METTL24: variants seen among roughly 807,000 people sequenced by gnomAD.
METTL24 encodes the protein probable methyltransferase-like protein 24.
Under a neutral mutation model 32.7 loss-of-function variants are expected in METTL24, and 29 were observed. The observed-to-expected ratio is 0.89, with a 90% CI of 0.66 to 1.21. The LOEUF (loss-of-function observed/expected upper bound fraction) is 1.21. Ranked by LOEUF, METTL24 falls within the 50% of genes most tolerant of loss-of-function variation. METTL24 has a pLI of 0.00. For synonymous variants in METTL24, 163 were observed against 179.5 expected (o/e 0.91, Z 0.73); for missense variants, 439 against 468.1 (o/e 0.94, Z 0.57).
rs55927920 is a variant in METTL24, at chr6:110,245,542, T to C, written c.*404A>G. Among the ~76,000 whole-genome samples, 11,947 of 152,204 alleles carry C rather than the reference T, an allele frequency of 0.078. 505 individuals are homozygous for C. The highest frequency in any genetic ancestry group is 0.16 in the South Asian group (773 of 4,824). ...AAACCTTGAAAAAGGAGGGTCAAATTCAAATTTAAAACCCTATTTTAAACA... is the reference window on the plus strand; with the variant it reads ...AAACCTTGAAAAAGGAGGGTCAAATCCAAATTTAAAACCCTATTTTAAACA... On this transcript the variant is annotated 3_prime_UTR_variant, in exon 5 of 5. Coordinates refer to ENST00000338882, the MANE Select transcript of METTL24 (RefSeq NM_001123364.3).
intron 3 of METTL24, among the ~76,000 whole-genome samples, chr6:110,311,316 G>A (rs1368469610): frequency 6.6e-6 from 1 of 152,004 alleles, no homozygotes; most frequent in Non-Finnish European, 1.5e-5. Context: ...TTTTCTAGGC[G>A]TCAGAAATAT....
At chr6:110,255,927 G>C (rs1240436304) in intron 4 of METTL24, among the ~76,000 whole-genome samples, 1 of 148,870 alleles carries the variant, frequency 6.7e-6, no homozygotes, top group African/African-American at 2.5e-5. Context: ...AGAAAAGAAA[G>C]AAAAAAAAAC....
chr6:110,327,123 C>A (rs1019044091), intron 1 of METTL24, among the ~76,000 whole-genome samples: 2 of 152,066 alleles, frequency 1.3e-5, no homozygotes, highest in Non-Finnish European at 2.9e-5. Context: ...ACACTGGGGG[C>A]ACAAAAAGGT....
intron 4 of METTL24, among the ~76,000 whole-genome samples, chr6:110,247,794 A>G (rs1258963879): frequency 6.6e-6 from 1 of 152,164 alleles, no homozygotes; most frequent in Non-Finnish European, 1.5e-5. Context: ...TTCCTTTCTC[A>G]TTGCATGTCT....
intron 4 of METTL24, among the ~76,000 whole-genome samples, chr6:110,287,021 AT>A (rs1771233835): frequency 1.3e-5 from 2 of 152,150 alleles, no homozygotes; most frequent in South Asian, 4.1e-4. Context: ...ATATGTATCT[AT>A]TCCATTGGCT....
chr6:110,295,790 A>AAAGAAAAGAAAGAAAGG (rs1562228478), intron 4 of METTL24, among the ~76,000 whole-genome samples: 10 of 94,410 alleles, frequency 1.1e-4, no homozygotes, highest in African/African-American at 6.2e-4. Context: ...GAAAAGAAAG[A>AAAGAAAAGAAAGAAAGG]AAGAAAGGAA....
In METTL24 at chr6:110,289,328, T is replaced by C. The variant is rs146418049; in HGVS notation, c.786+9594A>G. The stretch of plus-strand genomic sequence containing the variant: ...ATCTGACAAAAGTTTAAAATAAGTA[T>C]GTTTAGGATGCTCAGCTCAATCAAG... On this transcript the variant is annotated intron_variant, in intron 4 of 4. Transcript: ENST00000338882. 1.7e-4 allele frequency among the ~76,000 whole-genome samples: 26 copies of C among 152,342 alleles called. No homozygotes were observed. In the East Asian group the frequency reaches 5.0e-3, roughly 29 times the overall value.
At chr6:110,341,174 CTG>C (rs1772349653) in intron 1 of METTL24, among the ~76,000 whole-genome samples, 1 of 152,248 alleles carries the variant, frequency 6.6e-6, no homozygotes, top group South Asian at 2.1e-4. Context: ...CTCTTTTCTC[CTG>C]TGTCTTGTCT....
intron 1 of METTL24, among the ~76,000 whole-genome samples, chr6:110,327,253 A>G (rs1183817086): frequency 6.6e-6 from 1 of 152,246 alleles, no homozygotes; most frequent in Non-Finnish European, 1.5e-5. Flanking sequence ...ATTATTAAAG[A>G]CATCTTAAAC....
intron 1 of METTL24, among the ~76,000 whole-genome samples, chr6:110,342,183 C>T (rs540634070): frequency 2.0e-5 from 3 of 152,328 alleles, no homozygotes; most frequent in East Asian, 1.9e-4. Context: ...AAGCTCACAG[C>T]GATGGCAGCT....
rs920075300 is a variant in METTL24, at chr6:110,318,990, G to A, written c.418-3509C>T. On this transcript the variant is annotated intron_variant, in intron 2 of 4. Coordinates refer to ENST00000338882, the MANE Select transcript of METTL24 (RefSeq NM_001123364.3). ...ATAAAGCAAATTAGGCCTAGACAAA[G>A]GAAAAAATATTTTGTGAAATTTTTT... Among the ~76,000 whole-genome samples the A allele has an allele frequency of 2.6e-5, 4 of 152,112 alleles. No individual in the cohort carries two copies. The South Asian group carries it at 8.3e-4, about 32-fold the overall frequency.
chr6:110,256,426 C>A (rs1160351066), intron 4 of METTL24, among the ~76,000 whole-genome samples: 1 of 152,188 alleles, frequency 6.6e-6, no homozygotes, highest in East Asian at 1.9e-4. Context: ...ATGCAGAGTT[C>A]TAGCAAAGTA....
chr6:110,345,863 G>A (rs944431618), intron 1 of METTL24, among the ~76,000 whole-genome samples: 3 of 152,242 alleles, frequency 2.0e-5, no homozygotes, highest in East Asian at 1.9e-4. Flanking sequence ...AAAATAATCT[G>A]TACAACAAGC....
chr6:110,314,943 G>C lies in METTL24; in HGVS notation c.557+399C>G, dbSNP rs186072400. On this transcript the variant is annotated intron_variant, in intron 3 of 4. Transcript: ENST00000338882. ...CATGCCACTGCACTGCAGCCTGGGC[G>C]ACAGAGTGAGATCCCCTTTCAAGAG... Among the ~76,000 whole-genome samples, 3 of 152,086 alleles carry C rather than the reference G, an allele frequency of 2.0e-5. No homozygotes were observed. The South Asian group carries it at 6.2e-4, about 32-fold the overall frequency.
intron 4 of METTL24, among the ~76,000 whole-genome samples, chr6:110,284,323 C>T (rs543543625): frequency 1.3e-5 from 2 of 152,242 alleles, no homozygotes; most frequent in East Asian, 3.9e-4. Context: ...CTGAACTGTA[C>T]ACTTAAAAAT....
chr6:110,287,915 T>G (rs891617104), intron 4 of METTL24, among the ~76,000 whole-genome samples: 1 of 152,204 alleles, frequency 6.6e-6, no homozygotes, highest in Admixed American at 6.5e-5. Flanking sequence ...CAGGCATGCC[T>G]GGACCTTGAC....
chr6:110,303,914 AGCTCCAGCTG>A (rs1352534714), intron 3 of METTL24, among the ~76,000 whole-genome samples: 1 of 152,172 alleles, frequency 6.6e-6, no homozygotes, highest in African/African-American at 2.4e-5. Context: ...CATACAGGAG[AGCTCCAGCTG>A]GCATCTGGCA....
chr6:110,336,086 C>T (rs1772221599), intron 1 of METTL24, among the ~76,000 whole-genome samples: 1 of 152,204 alleles, frequency 6.6e-6, no homozygotes, highest in Non-Finnish European at 1.5e-5. Context: ...CCAGAAGATA[C>T]AGAACACACT....
At chr6:110,327,800 C>T (rs753391737) in intron 1 of METTL24, among the ~76,000 whole-genome samples, 1 of 152,202 alleles carries the variant, frequency 6.6e-6, no homozygotes, top group Non-Finnish European at 1.5e-5. Context: ...TCATCTTTCC[C>T]TTTTTAAAAC....
Sources: allele counts gnomAD v4.1 joint callset (sites outside exome capture counted in the v4.1 genomes callset), GRCh38; gene constraint gnomAD v4.1.1; transcripts MANE v1.5; gene names NCBI Gene and HGNC (gene_info 2026-07-23, HGNC 2026-07-21).